POLR2K: variants seen among roughly 807,000 people sequenced by gnomAD.
The protein encoded by POLR2K is DNA-directed RNA polymerases I, II, and III subunit RPABC4.
Under a neutral mutation model 10.1 loss-of-function variants are expected in POLR2K, and 9 were observed. That is an observed-to-expected ratio of 0.89 (90% confidence interval 0.54 to 1.56). POLR2K has a LOEUF of 1.56. Among genes scored for constraint, POLR2K ranks in the 40% most tolerant of loss-of-function variants. The probability of loss-of-function intolerance (pLI) is 0.00; values close to 1 mark genes in which losing one functional copy is unlikely to be tolerated. For missense variants in POLR2K, 53 were observed against 71.9 expected (o/e 0.74, Z 0.95); for synonymous variants, 19 against 20.3 (o/e 0.94, Z 0.17).
intron 2 of POLR2K, 46 bp downstream of exon 2, chr8:100,151,462 T>G: frequency 8.1e-7 from 1 of 1,227,898 alleles, no homozygotes; most frequent in Non-Finnish European, 1.2e-6. Flanking sequence ...ATTTAAGTTT[T>G]TTTGAAATTG....
intron 3 of POLR2K, among the ~76,000 whole-genome samples, chr8:100,152,861 G>A (rs1198767974): frequency 6.6e-6 from 1 of 151,902 alleles, no homozygotes; most frequent in Non-Finnish European, 1.5e-5. Context: ...TCTGCCTTCC[G>A]GGTTCATGGC....
In POLR2K at chr8:100,153,396, A is replaced by G. The variant is rs1814945686; in HGVS notation, c.*80A>G. On this transcript the variant is annotated 3_prime_UTR_variant, in exon 4 of 4. Transcript: ENST00000353107. The stretch of plus-strand genomic sequence containing the variant: ...ATTTCTGATTGTTGTATAGCTTTCG[A>G]TTTTGCTTACAGTAGTTCCCCCTTA... The G allele has an allele frequency of 7.5e-7, 1 of 1,335,334 alleles. No individual in the cohort carries two copies. The highest frequency in any genetic ancestry group is 1.8e-5 in the Admixed American group (1 of 56,338). The allele number at this position is 1,335,334 out of a possible 1,614,324, so 82.7% of individuals were successfully genotyped here.
intron 1 of POLR2K, 132 bp downstream of exon 1, chr8:100,150,841 T>C (rs1814907589): frequency 6.3e-6 from 1 of 157,790 alleles, no homozygotes; most frequent in Non-Finnish European, 1.4e-5. Flanking sequence ...TATCGCTCTT[T>C]TCCCTATTTT....
Position 100,151,804 on chromosome 8 carries a change from A to T in POLR2K, c.62-20A>T, listed in dbSNP as rs1455516575. 6.0e-5 allele frequency: 63 copies of T among 1,042,166 alleles called. No homozygotes were observed. The highest frequency in any genetic ancestry group is 7.5e-5 in the Non-Finnish European group (54 of 722,518). 64.6% of individuals were successfully genotyped at this position (1,042,166 alleles called of 1,614,324 possible). ...TATTTTCCTCTTAGGCATTGAGTAAATTTTTTTTTTTAATTCTAGAGTGTC... is the reference window on the plus strand; with the variant it reads ...TATTTTCCTCTTAGGCATTGAGTAATTTTTTTTTTTTAATTCTAGAGTGTC... On this transcript the variant is annotated intron_variant, in intron 2 of 3. Coordinates refer to ENST00000353107, the MANE Select transcript of POLR2K (RefSeq NM_005034.4).
chr8:100,153,346 T>A lies in POLR2K; in HGVS notation c.*30T>A. ...TGGGAATTCAGAGGAATGTCTTCAC[T>A]TATACTTGGATTTGCTCTCTTCCCA... is the stretch of plus-strand genomic sequence containing the variant. On this transcript the variant is annotated 3_prime_UTR_variant, in exon 4 of 4. Coordinates refer to ENST00000353107, the MANE Select transcript of POLR2K (RefSeq NM_005034.4). The A allele has an allele frequency of 6.3e-7, 1 of 1,594,248 alleles. No homozygotes were observed. The highest frequency in any genetic ancestry group is 2.2e-5 in the East Asian group (1 of 44,648).
intron 3 of POLR2K, among the ~76,000 whole-genome samples, chr8:100,152,788 C>T (rs892995958): frequency 3.3e-5 from 5 of 151,562 alleles, no homozygotes; most frequent in Non-Finnish European, 4.4e-5. Context: ...TTTTTTGAGA[C>T]GGAGTCTCGC....
intron 2 of POLR2K, 68 bp downstream of exon 2, chr8:100,151,484 C>A: frequency 9.5e-7 from 1 of 1,051,968 alleles, no homozygotes; most frequent in Non-Finnish European, 1.5e-6. Flanking sequence ...TACATTTATT[C>A]TTTGCTTAAA....
chr8:100,150,982 T>G (rs1161330945), intron 1 of POLR2K, among the ~76,000 whole-genome samples: 2 of 152,222 alleles, frequency 1.3e-5, no homozygotes, highest in African/African-American at 4.8e-5. Flanking sequence ...GAACTTGTGT[T>G]AAACGAGAAC....
At chr8:100,151,786 C>A in intron 2 of POLR2K, 38 bp from the exon 3 acceptor site, 1 of 915,546 alleles carries the variant, frequency 1.1e-6, no homozygotes, top group Non-Finnish European at 1.7e-6. Flanking sequence ...TAATATTTTC[C>A]TCTTAGGCAT....
intron 1 of POLR2K, 129 bp downstream of exon 1, chr8:100,150,838 C>G (rs28680466): frequency 6.3e-6 from 1 of 157,538 alleles, no homozygotes; most frequent in Non-Finnish European, 1.4e-5. Context: ...TGCTATCGCT[C>G]TTTTCCCTAT....
chr8:100,151,808 T>G lies in POLR2K; in HGVS notation c.62-16T>G. 2.3e-6 allele frequency: 3 copies of G among 1,277,284 alleles called. No individual in the cohort carries two copies. The South Asian group carries it at 3.9e-5, about 16-fold the overall frequency. The allele number at this position is 1,277,284 out of a possible 1,614,324, so 79.1% of individuals were successfully genotyped here. On this transcript the variant is annotated splice_polypyrimidine_tract_variant and intron_variant, in intron 2 of 3. Transcript: ENST00000353107. ...TTCCTCTTAGGCATTGAGTAAATTT[T>G]TTTTTTTAATTCTAGAGTGTCACAC... is the stretch of plus-strand genomic sequence containing the variant.
At chr8:100,153,184 A>T (rs1310063644) in intron 3 of POLR2K, 110 bp from the exon 4 acceptor site, 4 of 749,866 alleles carry the variant, frequency 5.3e-6, no homozygotes, top group South Asian at 1.8e-5. Flanking sequence ...TCTTTTTTGC[A>T]TTTTAAGTTA....
chr8:100,150,872 C>T (rs1563758756), intron 1 of POLR2K, among the ~76,000 whole-genome samples, 163 bp downstream of exon 1: 1 of 152,122 alleles, frequency 6.6e-6, no homozygotes, highest in Non-Finnish European at 1.5e-5. Context: ...AGATGTTTAG[C>T]CAGTAGGAGT....
intron 3 of POLR2K, among the ~76,000 whole-genome samples, chr8:100,152,826 C>T (rs777610774): frequency 5.3e-5 from 8 of 151,848 alleles, no homozygotes; most frequent in South Asian, 2.1e-4. Flanking sequence ...TGTGCAGTGA[C>T]GCAATCTCGG....
intron 2 of POLR2K, 51 bp from the exon 3 acceptor site, chr8:100,151,773 C>T: frequency 1.2e-6 from 1 of 812,098 alleles, no homozygotes. Flanking sequence ...GATAATTTGT[C>T]TGTAATATTT....
chr8:100,151,641 G>A, intron 2 of POLR2K, 183 bp from the exon 3 acceptor site: 1 of 598,130 alleles, frequency 1.7e-6, no homozygotes, highest in Admixed American at 3.0e-5. Context: ...TCTCTCTCCT[G>A]GAAATATGCA....
rs73276996 is a variant in POLR2K at position 100,151,253 on chromosome 8, T to C, written c.-9-94T>C. ...TTTGGGGAAAGGAACAGATTAGGAA[T>C]TGGATCTTTGTAGCTTTTCCTGAGA... is the stretch of plus-strand genomic sequence containing the variant. On this transcript the variant is annotated intron_variant, in intron 1 of 3. Transcript: ENST00000353107. 1.7e-3 allele frequency: 1,442 copies of C among 842,470 alleles called. 20 individuals are homozygous for C. The African/African-American group carries it at 0.022, about 13-fold the overall frequency. The allele number at this position is 842,470 out of a possible 1,614,324, so 52.2% of individuals were successfully genotyped here.
rs3752833 is a variant in POLR2K, at chr8:100,151,430, T to C, written c.61+14T>C. ...ATATCTGTGGAGGTAAGAGTAGCAC[T>C]TACCTAAAGTAAGAATATTTTATTT... On this transcript the variant is annotated intron_variant, in intron 2 of 3. Coordinates refer to ENST00000353107, the MANE Select transcript of POLR2K (RefSeq NM_005034.4). 63,080 of 1,492,740 alleles carry C rather than the reference T, an allele frequency of 0.042. 1,614 individuals carry two copies. The highest frequency in any genetic ancestry group is 0.08 in the Admixed American group (4,800 of 59,726). The allele number at this position is 1,492,740 out of a possible 1,614,324, so 92.5% of individuals were successfully genotyped here.
Position 100,153,361 on chromosome 8 carries a change from C to T in POLR2K, c.*45C>T, listed in dbSNP as rs41548619. On this transcript the variant is annotated 3_prime_UTR_variant, in exon 4 of 4. Coordinates refer to ENST00000353107, the MANE Select transcript of POLR2K (RefSeq NM_005034.4). ...ATGTCTTCACTTATACTTGGATTTG[C>T]TCTCTTCCCATTTCTGATTGTTGTA... 55 of 1,556,488 alleles carry T rather than the reference C, an allele frequency of 3.5e-5. No individual in the cohort carries two copies. The highest frequency in any genetic ancestry group is 4.8e-5 in the Non-Finnish European group (54 of 1,129,756).
Sources: gnomAD v4.1 joint callset for allele counts (sites outside exome capture counted in the v4.1 genomes callset) on GRCh38, gnomAD v4.1.1 for gene constraint, MANE v1.5 for transcripts, NCBI Gene and HGNC (gene_info 2026-07-23, HGNC 2026-07-21) for gene names.